ATG10: variants seen among roughly 807,000 people sequenced by gnomAD.
ATG10 encodes the protein ubiquitin-like-conjugating enzyme ATG10.
In ATG10, 30 loss-of-function variants were observed where a neutral mutation model predicts 32.1. The ratio of observed to expected loss-of-function variants is 0.94; its 90% CI spans 0.70 to 1.27. ATG10 has a LOEUF of 1.27. Ranked by LOEUF, ATG10 falls within the 50% of genes most tolerant of loss-of-function variation. The probability of loss-of-function intolerance (pLI) is 0.00; values close to 1 mark genes in which losing one functional copy is unlikely to be tolerated. For missense variants in ATG10, 233 were observed against 262.3 expected (o/e 0.89, Z 0.77); for synonymous variants, 87 against 91.5 (o/e 0.95, Z 0.28).
intron 1 of ATG10, among the ~76,000 whole-genome samples, chr5:81,987,093 G>A (rs1761302461): frequency 6.6e-6 from 1 of 151,992 alleles, no homozygotes; most frequent in African/African-American, 2.4e-5. Flanking sequence ...AAAAAATGGG[G>A]ATAGGTGAGA....
chr5:82,060,107 A>G (rs181010752), intron 3 of ATG10, among the ~76,000 whole-genome samples: 53 of 152,350 alleles, frequency 3.5e-4, no homozygotes, highest in African/African-American at 1.2e-3. Context: ...CACAAAGTTT[A>G]AAGATGTGCA....
chr5:82,124,160 C>T (rs1301952772), intron 3 of ATG10, among the ~76,000 whole-genome samples: 26 of 149,952 alleles, frequency 1.7e-4, no homozygotes, highest in African/African-American at 3.7e-4. Context: ...CTTGCCACCA[C>T]GCCCGGCTAA....
chr5:82,153,891 C>G (rs1219517833), intron 3 of ATG10, among the ~76,000 whole-genome samples: 1 of 146,572 alleles, frequency 6.8e-6, no homozygotes, highest in East Asian at 2.0e-4. Flanking sequence ...CAGACGATGG[C>G]AACTGTGGCC....
rs150441869 is a variant in ATG10, at chr5:82,038,519, G to A, written c.109-19976G>A. On this transcript the variant is annotated intron_variant, in intron 2 of 7. Coordinates refer to ENST00000282185, the MANE Select transcript of ATG10 (RefSeq NM_031482.5). ...AAGCCTCCATGGAATGGTAGTGGGA[G>A]CTGTGGCTAGAGTAAAAGGTAGAAT... Among the ~76,000 whole-genome samples the A allele has an allele frequency of 3.1e-3, 477 of 152,326 alleles. 2 individuals carry two copies. The highest frequency in any genetic ancestry group is 0.014 in the Middle Eastern group (4 of 294).
At chr5:81,999,354 AC>A (rs1186634624) in intron 2 of ATG10, among the ~76,000 whole-genome samples, 4 of 152,194 alleles carry the variant, frequency 2.6e-5, no homozygotes, top group African/African-American at 9.6e-5. Context: ...GATATAACAT[AC>A]CAGAATATCT....
intron 3 of ATG10, among the ~76,000 whole-genome samples, chr5:82,155,698 ACT>A (rs1767774575): frequency 3.9e-5 from 6 of 152,234 alleles, no homozygotes; most frequent in Admixed American, 2.6e-4. Flanking sequence ...AAAAATAATG[ACT>A]CTTTGTTCTT....
intron 2 of ATG10, chr5:81,992,176 A>T (rs1296622806): frequency 6.6e-6 from 1 of 152,034 alleles, no homozygotes; most frequent in African/African-American, 2.4e-5. Flanking sequence ...TTTTGTAGAG[A>T]TGGGGGTCTC....
intron 5 of ATG10, among the ~76,000 whole-genome samples, chr5:82,210,278 C>G (rs1402869036): frequency 1.3e-5 from 2 of 152,084 alleles, no homozygotes; most frequent in African/African-American, 4.8e-5. Flanking sequence ...TTATTTTTCT[C>G]CAGAGAGGAT....
chr5:82,157,979 T>A (rs1007473553), intron 3 of ATG10, among the ~76,000 whole-genome samples: 13 of 152,186 alleles, frequency 8.5e-5, no homozygotes, highest in African/African-American at 2.9e-4. Context: ...GAAGAAAAGT[T>A]TTTCTTCCTT....
intron 3 of ATG10, among the ~76,000 whole-genome samples, chr5:82,106,363 C>T (rs1464157324): frequency 1.3e-5 from 2 of 152,092 alleles, no homozygotes; most frequent in South Asian, 2.1e-4. Flanking sequence ...TAGCAGCTTG[C>T]TCATCTCTAG....
intron 2 of ATG10, among the ~76,000 whole-genome samples, chr5:82,043,999 T>G (rs557173547): frequency 1.6e-4 from 25 of 152,064 alleles, no homozygotes; most frequent in Non-Finnish European, 7.4e-5. Flanking sequence ...CAGATATCTT[T>G]ATAGCAGTGC....
intron 3 of ATG10, among the ~76,000 whole-genome samples, chr5:82,107,852 A>G (rs1333396026): frequency 6.6e-6 from 1 of 152,086 alleles, no homozygotes; most frequent in East Asian, 1.9e-4. Context: ...TTAATAAAAA[A>G]CAAATAGGGA....
intron 1 of ATG10, among the ~76,000 whole-genome samples, chr5:81,981,761 AC>A (rs1761053888): frequency 1.3e-5 from 2 of 152,346 alleles, no homozygotes; most frequent in South Asian, 4.1e-4. Flanking sequence ...CATCAAATCA[AC>A]GTCTCCAACT....
chr5:82,214,101 G>A (rs1581810571), intron 5 of ATG10, among the ~76,000 whole-genome samples: 1 of 152,178 alleles, frequency 6.6e-6, no homozygotes, highest in East Asian at 1.9e-4. Flanking sequence ...GAAACTAGAA[G>A]GGTAAGATGT....
chr5:82,208,150 G>A (rs960695781), intron 5 of ATG10, among the ~76,000 whole-genome samples: 3 of 151,936 alleles, frequency 2.0e-5, no homozygotes, highest in Admixed American at 2.0e-4. Context: ...ATCTGTTTTT[G>A]GATTCTCTGT....
intron 3 of ATG10, among the ~76,000 whole-genome samples, chr5:82,119,624 C>T (rs796462931): frequency 9.9e-5 from 15 of 152,204 alleles, no homozygotes; most frequent in African/African-American, 3.6e-4. Flanking sequence ...CCATGCCCAG[C>T]TAATTTTTAT....
At chr5:82,213,479 G>A (rs1745567334) in intron 5 of ATG10, among the ~76,000 whole-genome samples, 1 of 152,204 alleles carries the variant, frequency 6.6e-6, no homozygotes, top group African/African-American at 2.4e-5. Flanking sequence ...TAGAATGCCA[G>A]TGTATTAATT....
intron 3 of ATG10, among the ~76,000 whole-genome samples, chr5:82,118,404 ATGTATG>A (rs1164144510): frequency 7.2e-6 from 1 of 138,460 alleles, no homozygotes. Context: ...ATATATATAT[ATGTATG>A]TATATATTCC....
intron 2 of ATG10, among the ~76,000 whole-genome samples, chr5:82,045,767 T>C (rs1763217414): frequency 6.6e-6 from 1 of 151,826 alleles, no homozygotes. Context: ...GTGGATTCTA[T>C]CCTCCCTCTT....
Sources: gnomAD v4.1 joint callset for allele counts (sites outside exome capture counted in the v4.1 genomes callset) on GRCh38, gnomAD v4.1.1 for gene constraint, MANE v1.5 for transcripts, NCBI Gene and HGNC (gene_info 2026-07-23, HGNC 2026-07-21) for gene names.